The following SCN10A variants were observed in gnomAD, a reference collection of about 807,000 sequenced individuals.
SCN10A encodes the protein sodium voltage-gated channel alpha subunit 10.
In SCN10A, 162 loss-of-function variants were observed where a neutral mutation model predicts 170.7. That is an observed-to-expected ratio of 0.95 (90% CI 0.84 to 1.08). The LOEUF (loss-of-function observed/expected upper bound fraction) is 1.08, where lower values mean the gene tolerates loss of function less well. SCN10A is among the 50% of genes least tolerant of loss of function. SCN10A has a pLI of 0.00. For missense variants in SCN10A, 2,527 were observed against 2,436.9 expected, an observed-to-expected ratio of 1.04 and a Z score of -0.78; for synonymous variants, 985 against 904.6, an observed-to-expected ratio of 1.09 and a Z score of -1.59.
chr3:38,771,418 G>C lies in SCN10A; in HGVS notation c.471-11C>G. Reference sequence around the variant, plus strand: ...ACAGTGAAGACATATCTGGGAAGGAGGGTAGAAAAGGAGTGTCAACTGTGC... The same window carrying C: ...ACAGTGAAGACATATCTGGGAAGGACGGTAGAAAAGGAGTGTCAACTGTGC... On this transcript the variant is annotated splice_polypyrimidine_tract_variant and intron_variant, in intron 4 of 27. Coordinates refer to ENST00000449082, the MANE Select transcript of SCN10A (RefSeq NM_006514.4). The C allele has an allele frequency of 1.9e-6, 3 of 1,613,226 alleles. No individual in the cohort carries two copies. Among genetic ancestry groups the C allele is most frequent in the African/African-American group, 1.3e-5 (1 of 75,046 alleles).
At chr3:38,736,895 A>G (rs917076528) in intron 15 of SCN10A, among the ~76,000 whole-genome samples, 1 of 151,260 alleles carries the variant, frequency 6.6e-6, no homozygotes, top group African/African-American at 2.4e-5. Context: ...CTGTGGGATC[A>G]GAACAAAAGT....
chr3:38,776,821 T>C (rs963102185), intron 4 of SCN10A, among the ~76,000 whole-genome samples: 1 of 151,910 alleles, frequency 6.6e-6, no homozygotes, highest in Non-Finnish European at 1.5e-5. Flanking sequence ...TTTAGCAAAA[T>C]AGATAAAATG....
At chr3:38,799,878 G>C (rs752444122) in intron 1 of SCN10A, among the ~76,000 whole-genome samples, 5 of 152,074 alleles carry the variant, frequency 3.3e-5, no homozygotes, top group Non-Finnish European at 4.4e-5. Flanking sequence ...TTTTAAAATT[G>C]TTCGCTGGTC....
chr3:38,794,889 T>G (rs904821368), intron 1 of SCN10A, among the ~76,000 whole-genome samples: 4 of 152,142 alleles, frequency 2.6e-5, no homozygotes, highest in African/African-American at 7.2e-5. Flanking sequence ...TCTGCCAACT[T>G]CATACCATCA....
intron 1 of SCN10A, among the ~76,000 whole-genome samples, chr3:38,795,203 T>G (rs2064331492): frequency 6.6e-6 from 1 of 152,152 alleles, no homozygotes; most frequent in Non-Finnish European, 1.5e-5. Flanking sequence ...CTGTTTCCAG[T>G]CACTTTTCAG....
intron 1 of SCN10A, among the ~76,000 whole-genome samples, chr3:38,794,636 T>C (rs2064326254): frequency 6.6e-6 from 1 of 152,110 alleles, no homozygotes; most frequent in Non-Finnish European, 1.5e-5. Flanking sequence ...AGACCTGTGG[T>C]CCACAATTTT....
chr3:38,798,536 T>C (rs1360070980), intron 1 of SCN10A, among the ~76,000 whole-genome samples: 4 of 152,176 alleles, frequency 2.6e-5, no homozygotes, highest in African/African-American at 9.7e-5. Flanking sequence ...ATATCAAATG[T>C]ATGTGTTATA....
chr3:38,761,249 A>T lies in SCN10A; in HGVS notation c.826T>A (p.Cys276Ser). ...QLFKGNLKNK[C>S]VKNDMAVNET... ...TTGACAGCCATGTCATTCTTGACAC[A>T]TTTATTTTTGAGGTTGCCCTTGAAG... The change falls in exon 7 of 28, where the codon TGT becomes AGT. Residue 276 changes from cysteine to serine, a missense_variant. Cys to Ser is a moderately radical substitution (Grantham distance 112). Coordinates refer to ENST00000449082, the MANE Select transcript of SCN10A (RefSeq NM_006514.4). 1 of 1,613,486 alleles carries T rather than the reference A, an allele frequency of 6.2e-7. No homozygotes were observed. Among genetic ancestry groups the T allele is most frequent in the Non-Finnish European group, 8.5e-7 (1 of 1,179,570 alleles).
At chr3:38,793,652 C>T in intron 2 of SCN10A, 89 bp downstream of exon 2, 1 of 1,396,294 alleles carries the variant, frequency 7.2e-7, no homozygotes, top group South Asian at 1.4e-5. Context: ...GCCACATCAC[C>T]CAGGGCCAAG....
chr3:38,712,496 T>C (rs897899933), intron 22 of SCN10A, 51 bp from the exon 23 acceptor site: 6 of 1,572,150 alleles, frequency 3.8e-6, no homozygotes, highest in Non-Finnish European at 4.3e-6. Flanking sequence ...CCACCCCCTC[T>C]GCTGGATTCT....
At position 38,759,680 on chromosome 3, in the gene SCN10A, T is replaced by C. The variant is rs80353358; in HGVS notation, c.950+1001A>G. 2.6e-5 allele frequency among the ~76,000 whole-genome samples: 4 copies of C among 152,240 alleles called. No individual in the cohort carries two copies. In the East Asian group the frequency reaches 7.7e-4, roughly 29 times the overall value. Reference sequence around the variant, plus strand: ...ATTTTTTGGAATAGGTAGCCAATGTTTACGGTTGGGAGATTTTATATAAAA... The same window carrying C: ...ATTTTTTGGAATAGGTAGCCAATGTCTACGGTTGGGAGATTTTATATAAAA... On this transcript the variant is annotated intron_variant, in intron 8 of 27. Coordinates refer to ENST00000449082, the MANE Select transcript of SCN10A (RefSeq NM_006514.4).
At position 38,712,335 on chromosome 3, in the gene SCN10A, C is replaced by T. The variant is rs753696139; in HGVS notation, c.3915G>A (p.Gly1305=). Residue 1305 remains glycine (G), a synonymous_variant, in exon 23 of 28, where the codon GGG becomes GGA. Coordinates refer to ENST00000449082, the MANE Select transcript of SCN10A (RefSeq NM_006514.4). ...TATAGTTGATGCACCTCCAAAACTT[C>T]CCTGCGAAGAGGTTCACACCCATGA... ...FSIMGVNLFA[G]KFWRCINYTD... 10 of 1,614,186 alleles carry T rather than the reference C, an allele frequency of 6.2e-6. No homozygotes were observed. Among genetic ancestry groups the T allele is most frequent in the Non-Finnish European group, 7.6e-6 (9 of 1,180,034 alleles).
chr3:38,705,432 G>A (rs150480773), intron 26 of SCN10A, among the ~76,000 whole-genome samples: 218 of 152,274 alleles, frequency 1.4e-3, no homozygotes, highest in Non-Finnish European at 2.6e-3. Context: ...ATCCTCGGAG[G>A]ATCTTAGTTG....
intron 15 of SCN10A, among the ~76,000 whole-genome samples, chr3:38,731,827 C>T (rs1233771141): frequency 6.6e-6 from 1 of 152,240 alleles, no homozygotes; most frequent in African/African-American, 2.4e-5. Context: ...CACCAATCAC[C>T]TGCAAATCCC....
chr3:38,737,040 G>C (rs1180097205), intron 15 of SCN10A, among the ~76,000 whole-genome samples: 1 of 121,180 alleles, frequency 8.3e-6, no homozygotes, highest in Non-Finnish European at 1.6e-5. Flanking sequence ...GCGCAATCTC[G>C]GCTCACTGTA....
chr3:38,747,347 A>G (rs2063702372), intron 13 of SCN10A, among the ~76,000 whole-genome samples: 1 of 152,214 alleles, frequency 6.6e-6, no homozygotes, highest in Non-Finnish European at 1.5e-5. Flanking sequence ...TCTTCTGGGT[A>G]ATGGAGGTCA....
intron 21 of SCN10A, 78 bp from the exon 22 acceptor site, chr3:38,714,158 TG>T (rs1339334536): frequency 1.3e-6 from 2 of 1,561,734 alleles, no homozygotes; most frequent in Admixed American, 3.4e-5. Context: ...AGGAACTCCC[TG>T]CCCAGCCTCC....
intron 5 of SCN10A, among the ~76,000 whole-genome samples, chr3:38,763,913 G>C (rs1006354609): frequency 6.6e-6 from 1 of 152,204 alleles, no homozygotes; most frequent in East Asian, 1.9e-4. Context: ...TGTCAGGGGG[G>C]TACAAGGCTG....
At chr3:38,700,552 C>T (rs1490942126) in intron 27 of SCN10A, among the ~76,000 whole-genome samples, 1 of 152,162 alleles carries the variant, frequency 6.6e-6, no homozygotes, top group Admixed American at 6.5e-5. Context: ...TATCTCCAAA[C>T]TCATAAAGTT....
Sources: allele counts gnomAD v4.1 joint callset (sites outside exome capture counted in the v4.1 genomes callset), GRCh38; gene constraint gnomAD v4.1.1; transcripts MANE v1.5; gene names NCBI Gene and HGNC (gene_info 2026-07-23, HGNC 2026-07-21).